SPAG16: variants seen among roughly 807,000 people sequenced by gnomAD.
SPAG16 encodes sperm associated antigen 16.
A neutral mutation model predicts 80.4 loss-of-function variants in SPAG16; 86 were observed. The observed-to-expected ratio is 1.07, with a 90% CI of 0.90 to 1.28. The LOEUF (loss-of-function observed/expected upper bound fraction) is 1.28, where lower values mean the gene tolerates loss of function less well. Among genes scored for constraint, SPAG16 ranks in the 50% most tolerant of loss-of-function variants. SPAG16 has a pLI of 0.00. For synonymous variants in SPAG16, 294 were observed against 265.9 expected (o/e 1.11, Z -1.03); for missense variants, 870 against 765.3 (o/e 1.14, Z -1.61).
At chr2:214,224,230 G>T (rs1423985396) in intron 15 of SPAG16, among the ~76,000 whole-genome samples, 6 of 152,054 alleles carry the variant, frequency 3.9e-5, no homozygotes, top group Non-Finnish European at 8.8e-5. Flanking sequence ...ACACCAGCTT[G>T]CCTTCCTACA....
intron 10 of SPAG16, among the ~76,000 whole-genome samples, chr2:213,592,622 T>C (rs1035224423): frequency 3.3e-5 from 5 of 152,214 alleles, no homozygotes; most frequent in Non-Finnish European, 7.3e-5. Flanking sequence ...TAGCAGTTCC[T>C]TGGGGACCTG....
chr2:214,233,452 G>A (rs1688849791), intron 15 of SPAG16, among the ~76,000 whole-genome samples: 1 of 151,900 alleles, frequency 6.6e-6, no homozygotes. Flanking sequence ...AATAAAACTA[G>A]GATATTTGAT....
intron 10 of SPAG16, among the ~76,000 whole-genome samples, chr2:213,643,065 G>GTA (rs60295641): frequency 0.014 from 1,981 of 144,930 alleles, 45 homozygotes; most frequent in African/African-American, 0.043. Flanking sequence ...GTGTGTGTGT[G>GTA]TATATATATA....
chr2:213,512,700 A>C (rs2125819931), intron 10 of SPAG16, among the ~76,000 whole-genome samples: 1 of 152,258 alleles, frequency 6.6e-6, no homozygotes, highest in Admixed American at 6.5e-5. Context: ...TTCACCAAAC[A>C]CTGCCAGGAT....
intron 11 of SPAG16, among the ~76,000 whole-genome samples, chr2:213,871,088 T>C (rs1434872347): frequency 2.0e-5 from 3 of 152,112 alleles, no homozygotes; most frequent in Non-Finnish European, 4.4e-5. Flanking sequence ...ATACCATTCA[T>C]TATTTCTGAA....
intron 10 of SPAG16, among the ~76,000 whole-genome samples, chr2:213,524,296 G>A (rs558171833): frequency 1.3e-5 from 2 of 152,350 alleles, no homozygotes; most frequent in East Asian, 3.9e-4. Flanking sequence ...GGATTTCAGA[G>A]TATGTATGGA....
chr2:213,704,611 C>G (rs996241530), intron 10 of SPAG16, among the ~76,000 whole-genome samples: 2 of 151,274 alleles, frequency 1.3e-5, no homozygotes, highest in African/African-American at 4.9e-5. Context: ...CAAAGTTGAA[C>G]AAATAAAAAA....
At chr2:213,353,057 C>T (rs763944295) in intron 7 of SPAG16, among the ~76,000 whole-genome samples, 5 of 152,130 alleles carry the variant, frequency 3.3e-5, no homozygotes, top group Non-Finnish European at 7.4e-5. Context: ...CTTGTCTATC[C>T]GTATAGCTTA....
At chr2:213,342,930 G>A (rs1170486026) in intron 6 of SPAG16, among the ~76,000 whole-genome samples, 3 of 151,932 alleles carry the variant, frequency 2.0e-5, no homozygotes. Flanking sequence ...AACCCAAGCA[G>A]AGCATGGTGG....
rs1013680638 is a variant in SPAG16 at position 214,179,813 on chromosome 2, A to T, written c.1720+30547A>T. Among the ~76,000 whole-genome samples the T allele has an allele frequency of 3.3e-5, 5 of 151,548 alleles. No individual in the cohort carries two copies. The South Asian group carries it at 1.0e-3, about 31-fold the overall frequency. ...TATTTGTCAATTACATTTAAATTTA[A>T]ATTTAATTTCAAATCATACTGAACA... On this transcript the variant is annotated intron_variant, in intron 15 of 15. Coordinates refer to ENST00000331683, the MANE Select transcript of SPAG16 (RefSeq NM_024532.5).
chr2:213,892,677 A>G lies in SPAG16; in HGVS notation c.1214+30049A>G, dbSNP rs537324801. Among the ~76,000 whole-genome samples, 11 of 152,332 alleles carry G rather than the reference A, an allele frequency of 7.2e-5. No individual in the cohort carries two copies. In the South Asian group the frequency reaches 2.3e-3, roughly 32 times the overall value. On this transcript the variant is annotated intron_variant, in intron 11 of 15. Coordinates refer to ENST00000331683, the MANE Select transcript of SPAG16 (RefSeq NM_024532.5). ...ATACATAAGCTGAAGTAAAAAATTCATCGAAGACTCTCGATAGCAGAATGA... is the reference window on the plus strand; with the variant it reads ...ATACATAAGCTGAAGTAAAAAATTCGTCGAAGACTCTCGATAGCAGAATGA...
intron 1 of SPAG16, among the ~76,000 whole-genome samples, chr2:213,291,974 G>C (rs983869045): frequency 6.6e-6 from 1 of 152,146 alleles, no homozygotes; most frequent in Non-Finnish European, 1.5e-5. Context: ...TTTTTTGATT[G>C]TGGGAAAGTA....
At chr2:214,067,211 G>T (rs1229791138) in intron 13 of SPAG16, among the ~76,000 whole-genome samples, 2 of 152,136 alleles carry the variant, frequency 1.3e-5, no homozygotes, top group Non-Finnish European at 2.9e-5. Context: ...CACTTTCATT[G>T]TTCCAGAGCC....
chr2:214,313,051 C>A (rs895195187), intron 15 of SPAG16, among the ~76,000 whole-genome samples: 1 of 151,856 alleles, frequency 6.6e-6, no homozygotes, highest in Non-Finnish European at 1.5e-5. Context: ...ACAAAGCTAC[C>A]TGCGAATATT....
chr2:214,033,899 C>T (rs1030897724), intron 13 of SPAG16, among the ~76,000 whole-genome samples: 4 of 152,150 alleles, frequency 2.6e-5, no homozygotes, highest in Admixed American at 6.5e-5. Context: ...ATCTAATCTA[C>T]AGAACTTTTT....
intron 14 of SPAG16, among the ~76,000 whole-genome samples, chr2:214,108,968 G>T (rs1317296793): frequency 1.3e-5 from 2 of 152,146 alleles, no homozygotes. Context: ...GTGTTTGGAG[G>T]TGGAGCCTTA....
At chr2:214,238,919 ACTC>A (rs1689265856) in intron 15 of SPAG16, 1 of 152,088 alleles carries the variant, frequency 6.6e-6, no homozygotes. Flanking sequence ...TCACCATAAA[ACTC>A]CTATTTGAAA....
At chr2:213,777,497 C>T (rs1365340034) in intron 10 of SPAG16, among the ~76,000 whole-genome samples, 2 of 151,950 alleles carry the variant, frequency 1.3e-5, no homozygotes, top group Non-Finnish European at 2.9e-5. Flanking sequence ...AGCTCCGCCT[C>T]CCGGGTTCAC....
intron 15 of SPAG16, among the ~76,000 whole-genome samples, chr2:214,212,400 G>A (rs901399872): frequency 1.1e-4 from 17 of 151,614 alleles, no homozygotes; most frequent in African/African-American, 3.6e-4. Context: ...TCACCTCCCC[G>A]ACCACCCACT....
Sources: allele counts gnomAD v4.1 joint callset (sites outside exome capture counted in the v4.1 genomes callset), GRCh38; gene constraint gnomAD v4.1.1; transcripts MANE v1.5; gene names NCBI Gene and HGNC (gene_info 2026-07-23, HGNC 2026-07-21).